TMEM132D: variants seen among roughly 807,000 people sequenced by gnomAD.
The protein encoded by TMEM132D is mature OL transmembrane protein.
TMEM132D carries 21 observed loss-of-function variants against 62.3 expected under a neutral mutation model. That is an observed-to-expected ratio of 0.34 (90% CI 0.24 to 0.49). TMEM132D has a LOEUF of 0.49. Ranked by LOEUF, TMEM132D falls within the 20% of genes least tolerant of loss-of-function variation. The probability of loss-of-function intolerance (pLI) is 0.99; values close to 1 mark genes in which losing one functional copy is unlikely to be tolerated. For missense variants in TMEM132D, 1,346 were observed against 1,402.8 expected (o/e 0.96, Z 0.65); for synonymous variants, 621 against 575.6 (o/e 1.08, Z -1.13).
At chr12:129,800,706 G>A (rs921462612) in intron 1 of TMEM132D, among the ~76,000 whole-genome samples, 2 of 152,098 alleles carry the variant, frequency 1.3e-5, no homozygotes, top group African/African-American at 2.4e-5. Flanking sequence ...TACCAGGGAG[G>A]AGGAGCCAAG....
chr12:129,516,092 T>C (rs760220498), intron 3 of TMEM132D, among the ~76,000 whole-genome samples: 2 of 152,190 alleles, frequency 1.3e-5, no homozygotes, highest in Non-Finnish European at 2.9e-5. Flanking sequence ...TGTGTCATAA[T>C]TACATCCATT....
chr12:129,099,816 AT>A lies in TMEM132D; in HGVS notation c.1444-15115del, dbSNP rs545846828. On this transcript the variant is annotated intron_variant, in intron 5 of 8. Coordinates refer to ENST00000422113, the MANE Select transcript of TMEM132D (RefSeq NM_133448.3). Reference sequence around the variant, plus strand: ...AGCGAAACCCACTTTATTTTTTTTTATTTTTTTTATTTTTATTTTTATTTTT... The same window carrying A: ...AGCGAAACCCACTTTATTTTTTTTTATTTTTTTATTTTTATTTTTATTTTT... Among the ~76,000 whole-genome samples, 79 of 121,688 alleles carry A rather than the reference AT, an allele frequency of 6.5e-4. 2 individuals carry two copies. In the East Asian group the frequency reaches 0.012, roughly 18 times the overall value. The allele number at this position is 121,688 out of a possible 152,430, so 79.8% of individuals were successfully genotyped here.
intron 2 of TMEM132D, among the ~76,000 whole-genome samples, chr12:129,607,794 A>G (rs1317630755): frequency 2.0e-5 from 3 of 152,228 alleles, no homozygotes; most frequent in African/African-American, 7.2e-5. Context: ...TAGATTTCAT[A>G]CCAGCTTTCC....
intron 3 of TMEM132D, among the ~76,000 whole-genome samples, chr12:129,421,629 C>CTT (rs1872327328): frequency 6.6e-6 from 1 of 152,164 alleles, no homozygotes. Context: ...TACTAGCAGC[C>CTT]CTGATGTCCT....
intron 3 of TMEM132D, among the ~76,000 whole-genome samples, chr12:129,386,931 C>G (rs950113649): frequency 6.6e-6 from 1 of 152,080 alleles, no homozygotes; most frequent in Non-Finnish European, 1.5e-5. Context: ...AACACCAATG[C>G]CGATGCCAAC....
intron 3 of TMEM132D, among the ~76,000 whole-genome samples, chr12:129,482,561 C>A (rs948399280): frequency 6.6e-6 from 1 of 152,140 alleles, no homozygotes; most frequent in Non-Finnish European, 1.5e-5. Flanking sequence ...GTGGAGATTG[C>A]TGAATTTCTA....
At chr12:129,701,539 A>G (rs547826016) in intron 1 of TMEM132D, among the ~76,000 whole-genome samples, 1 of 152,244 alleles carries the variant, frequency 6.6e-6, no homozygotes, top group Non-Finnish European at 1.5e-5. Context: ...TCCTGTGGAC[A>G]CTACGCCGTC....
chr12:129,552,958 G>A (rs768296358), intron 2 of TMEM132D, among the ~76,000 whole-genome samples: 1 of 152,004 alleles, frequency 6.6e-6, no homozygotes, highest in Admixed American at 6.6e-5. Flanking sequence ...GGTCATCCAC[G>A]GTCCAGATCC....
At chr12:129,316,413 T>C (rs1031669042) in intron 4 of TMEM132D, among the ~76,000 whole-genome samples, 4 of 152,202 alleles carry the variant, frequency 2.6e-5, no homozygotes, top group Non-Finnish European at 4.4e-5. Context: ...CCAATGCTCA[T>C]TCAGGAGCAG....
At chr12:129,131,367 G>A (rs1474676819) in intron 5 of TMEM132D, among the ~76,000 whole-genome samples, 1 of 152,160 alleles carries the variant, frequency 6.6e-6, no homozygotes, top group Admixed American at 6.5e-5. Context: ...AGCACTTTGG[G>A]AGGCCAAGGT....
chr12:129,444,361 T>C (rs1873031802), intron 3 of TMEM132D, among the ~76,000 whole-genome samples: 1 of 151,672 alleles, frequency 6.6e-6, no homozygotes, highest in South Asian at 2.1e-4. Context: ...AACAATACAT[T>C]CGACAAAGGC....
chr12:129,504,679 T>C (rs1192853294), intron 3 of TMEM132D, among the ~76,000 whole-genome samples: 1 of 152,216 alleles, frequency 6.6e-6, no homozygotes, highest in Non-Finnish European at 1.5e-5. Flanking sequence ...CAGCTTTTTG[T>C]TTCATTTATC....
intron 2 of TMEM132D, among the ~76,000 whole-genome samples, chr12:129,587,165 TA>T (rs775349302): frequency 3.5e-4 from 53 of 151,710 alleles, no homozygotes; most frequent in African/African-American, 1.2e-3. Flanking sequence ...ATAGATGGGA[TA>T]AAAAAAATGT....
rs113220157 is a variant in TMEM132D at position 129,274,077 on chromosome 12, G to GA, written c.1299+63556dup. Among the ~76,000 whole-genome samples the GA allele has an allele frequency of 2.6e-3, 397 of 151,510 alleles. 2 individuals are homozygous for GA. The highest frequency in any genetic ancestry group is 4.8e-3 in the Non-Finnish European group (324 of 67,958). On this transcript the variant is annotated intron_variant, in intron 4 of 8. Coordinates refer to ENST00000422113, the MANE Select transcript of TMEM132D (RefSeq NM_133448.3). ...CTTGGATGTGAGTTTCCTAGTTGTA[G>GA]AAAAAAAAGATTAAATTACCAGATT...
intron 4 of TMEM132D, among the ~76,000 whole-genome samples, chr12:129,243,206 C>G (rs539037806): frequency 1.3e-5 from 2 of 152,276 alleles, no homozygotes; most frequent in South Asian, 4.1e-4. Flanking sequence ...AGTGCTTTAT[C>G]AGATGTAATG....
chr12:129,293,837 A>T (rs150484738), intron 4 of TMEM132D, among the ~76,000 whole-genome samples: 21 of 152,282 alleles, frequency 1.4e-4, no homozygotes, highest in Middle Eastern at 3.4e-3. Flanking sequence ...TCGCTTGCCC[A>T]TCACTTGCCT....
At chr12:129,727,970 G>T (rs553248914) in intron 1 of TMEM132D, among the ~76,000 whole-genome samples, 1 of 152,110 alleles carries the variant, frequency 6.6e-6, no homozygotes, top group Non-Finnish European at 1.5e-5. Flanking sequence ...AGGAAATTAC[G>T]TTCTTTTCTG....
chr12:129,197,590 C>T (rs1878583647), intron 5 of TMEM132D, among the ~76,000 whole-genome samples: 2 of 152,162 alleles, frequency 1.3e-5, no homozygotes, highest in African/African-American at 4.8e-5. Flanking sequence ...TGGATATCCA[C>T]ATGCAGAAGA....
intron 2 of TMEM132D, among the ~76,000 whole-genome samples, chr12:129,671,013 A>T (rs1771251809): frequency 6.6e-6 from 1 of 152,242 alleles, no homozygotes; most frequent in Admixed American, 6.5e-5. Context: ...TTTGTTAAAA[A>T]ATCTTGGAAA....
Sources: gnomAD v4.1 joint callset for allele counts (sites outside exome capture counted in the v4.1 genomes callset) on GRCh38, gnomAD v4.1.1 for gene constraint, MANE v1.5 for transcripts, NCBI Gene and HGNC (gene_info 2026-07-23, HGNC 2026-07-21) for gene names.